BCL9: variants seen among roughly 807,000 people sequenced by gnomAD.
BCL9 encodes B-cell CLL/lymphoma 9 protein.
In BCL9, 25 loss-of-function variants were observed where a neutral mutation model predicts 88.5. That is an observed-to-expected ratio of 0.28 (90% CI 0.21 to 0.39). The LOEUF is 0.39. Ranked by LOEUF, BCL9 falls within the 10% of genes least tolerant of loss-of-function variation. BCL9 has a pLI of 1.00. For missense variants in BCL9, 1,817 were observed against 1,877.8 expected (o/e 0.97, Z 0.60); for synonymous variants, 711 against 673.3 (o/e 1.06, Z -0.87).
chr1:147,613,165 T>A lies in BCL9; in HGVS notation c.336T>A (p.Asp112Glu), dbSNP rs376211408. The change falls in exon 5 of 10, where the codon GAT (aspartate) becomes GAA (glutamate). Residue 112 changes from aspartate (D) to glutamate (E), a missense_variant. Coordinates refer to ENST00000234739, the MANE Select transcript of BCL9 (RefSeq NM_004326.4). ...CCGCCGACTCCTTTGATCAGAGAGA[T>A]CCTGGGACTCCAAACGATGACTCTG... ...SISADSFDQR[D>E]PGTPNDDSDI... 6 of 1,614,178 alleles carry A rather than the reference T, an allele frequency of 3.7e-6. No individual in the cohort carries two copies. The highest frequency in any genetic ancestry group is 5.1e-6 in the Non-Finnish European group (6 of 1,180,026).
intron 1 of BCL9, among the ~76,000 whole-genome samples, chr1:147,566,629 G>A (rs1312552004): frequency 2.0e-5 from 3 of 151,862 alleles, no homozygotes; most frequent in Non-Finnish European, 2.9e-5. Context: ...GGTGGCGGGC[G>A]CCTGTAGTCC....
At chr1:147,575,428 T>C (rs1656064961) in intron 1 of BCL9, among the ~76,000 whole-genome samples, 1 of 152,240 alleles carries the variant, frequency 6.6e-6, no homozygotes, top group South Asian at 2.1e-4. Flanking sequence ...CCAAGCTAAG[T>C]GCCAGCAATG....
chr1:147,570,760 C>T (rs953180609), intron 1 of BCL9, among the ~76,000 whole-genome samples: 4 of 151,462 alleles, frequency 2.6e-5, no homozygotes, highest in Non-Finnish European at 5.9e-5. Flanking sequence ...CTCAACCTCC[C>T]GAGTAGCTGG....
chr1:147,542,096 C>A (rs1654355263), intron 1 of BCL9, among the ~76,000 whole-genome samples: 1 of 152,166 alleles, frequency 6.6e-6, no homozygotes, highest in South Asian at 2.1e-4. Flanking sequence ...CCGGCCAGGG[C>A]TCCGCCGAGT....
Position 147,624,160 on chromosome 1 carries a change from G to T in BCL9, c.3482G>T (p.Gly1161Val). The change falls in exon 10 of 10, where the codon GGG (glycine) becomes GTG (valine). Residue 1161 changes from glycine to valine, a missense_variant. Physicochemically the swap from Gly to Val is moderately radical, Grantham distance 109. Coordinates refer to ENST00000234739, the MANE Select transcript of BCL9 (RefSeq NM_004326.4). The surrounding 1 kb of genome is among the most constrained non-coding windows in gnomAD (Gnocchi z 4.4). ...VPFPHNGPSG[G>V]QGSFPGGMGF... ...TTCCCTCACAATGGCCCCAGTGGGGGGCAGGGCAGCTTCCCAGGAGGGATG... is the reference window on the plus strand; with the variant it reads ...TTCCCTCACAATGGCCCCAGTGGGGTGCAGGGCAGCTTCCCAGGAGGGATG... The T allele has an allele frequency of 6.3e-7, 1 of 1,597,782 alleles. No individual in the cohort carries two copies. Among genetic ancestry groups the T allele is most frequent in the Non-Finnish European group, 8.5e-7 (1 of 1,170,684 alleles).
At position 147,622,514 on chromosome 1, in the gene BCL9, C is replaced by T; in HGVS notation, c.3146C>T (p.Ser1049Leu). ...SPPARSPNLP[S>L]MNNMPGMGIN... ...CCAGCTCGTTCTCCCAACTTGCCATCAATGAATAATATGCCAGGTAAGAAA... is the reference window on the plus strand; with the variant it reads ...CCAGCTCGTTCTCCCAACTTGCCATTAATGAATAATATGCCAGGTAAGAAA... Residue 1049 changes from serine to leucine, a missense_variant, in exon 9 of 10, where the codon TCA becomes TTA. By Grantham distance (145) the Ser-to-Leu change is moderately radical (BLOSUM62 -2). This residue lies in a region of BCL9 where 589 missense variants were observed against 686.2 expected (regional missense o/e 0.86). Transcript: ENST00000234739. 1.9e-6 allele frequency: 3 copies of T among 1,614,182 alleles called. No homozygotes were observed. The highest frequency in any genetic ancestry group is 1.3e-5 in the African/African-American group (1 of 75,024).
chr1:147,596,291 A>G (rs1657045509), intron 1 of BCL9, among the ~76,000 whole-genome samples: 2 of 152,220 alleles, frequency 1.3e-5, no homozygotes, highest in African/African-American at 2.4e-5. Flanking sequence ...AAGGTAGGAT[A>G]AGGAGATTTG....
At chr1:147,575,854 T>C (rs782109645) in intron 1 of BCL9, among the ~76,000 whole-genome samples, 2 of 148,698 alleles carry the variant, frequency 1.3e-5, no homozygotes, top group Non-Finnish European at 3.0e-5. Flanking sequence ...GTAGAACTTA[T>C]ATGCATTTAT....
At position 147,625,034 on chromosome 1, in the gene BCL9, AG is replaced by A; in HGVS notation, c.*77del. The A allele has an allele frequency of 6.6e-7, 1 of 1,526,210 alleles. No homozygotes were observed. The allele number at this position is 1,526,210 out of a possible 1,614,324, so 94.5% of individuals were successfully genotyped here. On this transcript the variant is annotated 3_prime_UTR_variant, in exon 10 of 10. Coordinates refer to ENST00000234739, the MANE Select transcript of BCL9 (RefSeq NM_004326.4). ...CTGAGAGCTGCTTTGAGGGAGTTCC[AG>A]GAGTACTTACTATTGGTCATGCAAT...
chr1:147,593,934 T>C (rs1171718026), intron 1 of BCL9, among the ~76,000 whole-genome samples: 1 of 152,142 alleles, frequency 6.6e-6, no homozygotes, highest in East Asian at 1.9e-4. Flanking sequence ...ACCACTAAAA[T>C]AGATGAAAAA....
chr1:147,543,407 G>T (rs1654419690), intron 1 of BCL9, among the ~76,000 whole-genome samples: 1 of 152,188 alleles, frequency 6.6e-6, no homozygotes, highest in South Asian at 2.1e-4. Context: ...GGCCAGCCCT[G>T]GCTGAGAATA....
At chr1:147,565,766 A>G (rs1655568547) in intron 1 of BCL9, among the ~76,000 whole-genome samples, 1 of 152,192 alleles carries the variant, frequency 6.6e-6, no homozygotes, top group Non-Finnish European at 1.5e-5. Context: ...TGCATGCAAT[A>G]CAGATATAAA....
intron 1 of BCL9, among the ~76,000 whole-genome samples, chr1:147,598,173 C>T (rs1657135952): frequency 6.6e-6 from 1 of 152,174 alleles, no homozygotes; most frequent in Non-Finnish European, 1.5e-5. Context: ...AAGTCCATAC[C>T]TGACTTTTTC....
chr1:147,575,189 G>C (rs1656055057), intron 1 of BCL9, among the ~76,000 whole-genome samples: 1 of 152,196 alleles, frequency 6.6e-6, no homozygotes, highest in Non-Finnish European at 1.5e-5. Flanking sequence ...ATAAGGACCT[G>C]AAGATGAGGG....
intron 6 of BCL9, 111 bp from the exon 7 acceptor site, chr1:147,615,692 T>C (rs1570909335): frequency 1.4e-6 from 1 of 699,534 alleles, no homozygotes; most frequent in Non-Finnish European, 2.4e-6. Flanking sequence ...GGTGGTTCTT[T>C]CTATTCCTTC....
intron 1 of BCL9, among the ~76,000 whole-genome samples, chr1:147,583,786 C>A (rs993868109): frequency 6.6e-6 from 1 of 151,078 alleles, no homozygotes; most frequent in Non-Finnish European, 1.5e-5. Flanking sequence ...AACCCCGTCT[C>A]TACTAAAAGT....
chr1:147,612,949 C>G lies in BCL9; in HGVS notation c.120C>G (p.Pro40=), dbSNP rs782243316. 19 of 1,613,750 alleles carry G rather than the reference C, an allele frequency of 1.2e-5. No individual in the cohort carries two copies. Among genetic ancestry groups the G allele is most frequent in the Non-Finnish European group, 1.6e-5 (19 of 1,179,858 alleles). The change falls in exon 5 of 10, where the codon CCC becomes CCG. Residue 40 remains proline, a synonymous_variant. Coordinates refer to ENST00000234739, the MANE Select transcript of BCL9 (RefSeq NM_004326.4). ...CAGTGATGTCCCCATCTGGAAACCC[C>G]CAGCTGGATTCCAAATTCTCCAATC... ...PPTVMSPSGN[P]QLDSKFSNQG...
intron 2 of BCL9, among the ~76,000 whole-genome samples, chr1:147,605,686 A>G (rs1657663264): frequency 6.6e-6 from 1 of 152,182 alleles, no homozygotes; most frequent in Admixed American, 6.5e-5. Flanking sequence ...ATGTTGGGGA[A>G]AGATTGGTTT....
intron 1 of BCL9, among the ~76,000 whole-genome samples, chr1:147,579,253 C>G (rs1035495624): frequency 1.3e-5 from 2 of 152,044 alleles, no homozygotes; most frequent in South Asian, 2.1e-4. Context: ...TTTTTTTATC[C>G]AAAAGATGGA....
Sources: allele counts gnomAD v4.1 joint callset (sites outside exome capture counted in the v4.1 genomes callset), GRCh38; gene constraint gnomAD v4.1.1; regional missense constraint gnomAD v4.1.1; non-coding constraint Gnocchi (gnomAD v3.1); transcripts MANE v1.5; gene names NCBI Gene and HGNC (gene_info 2026-07-23, HGNC 2026-07-21).